CALCOCO2: variants seen among roughly 807,000 people sequenced by gnomAD.
CALCOCO2 encodes calcium-binding and coiled-coil domain-containing protein 2.
CALCOCO2 carries 42 observed loss-of-function variants against 62.5 expected under a neutral mutation model. The observed-to-expected ratio is 0.67, with a 90% CI of 0.53 to 0.87. The LOEUF (loss-of-function observed/expected upper bound fraction) is 0.87, where lower values mean the gene tolerates loss of function less well. Among genes scored for constraint, CALCOCO2 ranks in the 40% least tolerant of loss-of-function variants. CALCOCO2 has a pLI of 0.00. For synonymous variants in CALCOCO2, 167 were observed against 173.0 expected (o/e 0.97, Z 0.27); for missense variants, 456 against 515.0 (o/e 0.89, Z 1.11).
chr17:48,845,423 A>C (rs887936297), intron 2 of CALCOCO2, among the ~76,000 whole-genome samples: 1 of 113,170 alleles, frequency 8.8e-6, no homozygotes, highest in Non-Finnish European at 1.8e-5. Context: ...GTGTGTGTGT[A>C]TTGCCTAATT....
At chr17:48,833,432 G>A (rs1046459267) in intron 1 of CALCOCO2, among the ~76,000 whole-genome samples, 1 of 151,644 alleles carries the variant, frequency 6.6e-6, no homozygotes, top group African/African-American at 2.4e-5. Flanking sequence ...GCACATGCAT[G>A]TAGTCTTGGG....
rs7211475 is a variant in CALCOCO2 at position 48,841,616 on chromosome 17, G to A, written c.-10-82G>A. 6,327 of 966,440 alleles carry A rather than the reference G, an allele frequency of 6.5e-3. 253 individuals carry two copies. The African/African-American group carries it at 0.089, about 14-fold the overall frequency. 59.9% of individuals were successfully genotyped at this position (966,440 alleles called of 1,614,324 possible). ...TTTCCTGACTTGCTTTGCACAGAAT[G>A]TTCCCTGGATGAAAGCCCAGAAATC... On this transcript the variant is annotated intron_variant, in intron 1 of 12. Transcript: ENST00000258947.
At chr17:48,853,520 G>A (rs117797035) in intron 9 of CALCOCO2, among the ~76,000 whole-genome samples, 2,269 of 152,290 alleles carry the variant, frequency 0.015, 26 homozygotes, top group Non-Finnish European at 0.024. Context: ...TGGAAGCCCC[G>A]TTTACTTAGT....
At chr17:48,862,496 A>G (rs566923501) in intron 12 of CALCOCO2, among the ~76,000 whole-genome samples, 192 bp downstream of exon 12, 1 of 152,346 alleles carries the variant, frequency 6.6e-6, no homozygotes, top group East Asian at 1.9e-4. Flanking sequence ...TTCATCCATC[A>G]GCATTTTGCT....
At chr17:48,846,271 G>T (rs1261832960) in intron 2 of CALCOCO2, among the ~76,000 whole-genome samples, 7 of 152,102 alleles carry the variant, frequency 4.6e-5, no homozygotes. Context: ...GAGTAACTGG[G>T]ATTATAGGCA....
Position 48,862,931 on chromosome 17 carries a change from C to T in CALCOCO2, c.1267C>T (p.Pro423Ser), listed in dbSNP as rs1338442055. 1 of 1,613,614 alleles carries T rather than the reference C, an allele frequency of 6.2e-7. No homozygotes were observed. The highest frequency in any genetic ancestry group is 8.5e-7 in the Non-Finnish European group (1 of 1,179,530). The change falls in exon 13 of 13, where the codon CCA becomes TCA. Residue 423 changes from proline to serine, a missense_variant. Pro to Ser is a moderately conservative substitution (Grantham distance 74, BLOSUM62 -1). Transcript: ENST00000258947. The stretch of plus-strand genomic sequence containing the variant: ...GATGCAGCCCCTTTGTTTCAATTGT[C>T]CAATTTGTGACAAGATCTTCCCAGC... ...QQMQPLCFNC[P>S]ICDKIFPATE...
At chr17:48,833,419 G>T (rs779687363) in intron 1 of CALCOCO2, among the ~76,000 whole-genome samples, 1 of 151,910 alleles carries the variant, frequency 6.6e-6, no homozygotes, top group South Asian at 2.1e-4. Flanking sequence ...ACCGGACATG[G>T]TGGCACATGC....
chr17:48,859,660 C>A (rs1312328294), intron 10 of CALCOCO2, among the ~76,000 whole-genome samples: 1 of 152,054 alleles, frequency 6.6e-6, no homozygotes, highest in African/African-American at 2.4e-5. Flanking sequence ...CGTTAATATA[C>A]CTATCAGAAT....
Position 48,849,357 on chromosome 17 carries a change from G to A in CALCOCO2, c.523G>A (p.Ala175Thr), listed in dbSNP as rs201225812. Residue 175 changes from alanine to threonine, a missense_variant, in exon 5 of 13, where the codon GCT becomes ACT. Around this residue, in one of 3 missense-constraint regions of CALCOCO2, gnomAD observed 236 missense variants for 225.3 expected, o/e 1.05. Transcript: ENST00000258947. ...SLQKQNSDMQ[A>T]ELQKKQEELE... ...CCAGAAGCAGAACTCAGACATGCAG[G>A]CTGAGCTCCAAAAGAAGCAGGTATG... 2.5e-6 allele frequency: 4 copies of A among 1,613,402 alleles called. No homozygotes were observed. In the East Asian group the frequency reaches 6.7e-5, roughly 27 times the overall value.
rs2040375976 is a variant in CALCOCO2 at position 48,865,120 on chromosome 17, G to A, written c.*2115G>A. On this transcript the variant is annotated 3_prime_UTR_variant, in exon 13 of 13. Coordinates refer to ENST00000258947, the MANE Select transcript of CALCOCO2 (RefSeq NM_005831.5). ...GCTTGGTAAAAAAACCAGTTGAGGT[G>A]TTAATGACCCTTTTTGCTGGGTGTA... 1 of 152,210 alleles carries A rather than the reference G, an allele frequency of 6.6e-6. No homozygotes were observed. The highest frequency in any genetic ancestry group is 2.1e-4 in the South Asian group (1 of 4,834). The allele number at this position is 152,210 out of a possible 1,614,324, so 9.4% of individuals were successfully genotyped here.
intron 1 of CALCOCO2, among the ~76,000 whole-genome samples, chr17:48,832,579 G>A (rs757130273): frequency 3.9e-5 from 6 of 152,164 alleles, no homozygotes; most frequent in Non-Finnish European, 8.8e-5. Context: ...GCATTTTGCT[G>A]ATGAGGAAAC....
At chr17:48,862,808 T>C in intron 12 of CALCOCO2, 30 bp from the exon 13 acceptor site, 1 of 1,603,940 alleles carries the variant, frequency 6.2e-7, no homozygotes, top group Non-Finnish European at 8.5e-7. Flanking sequence ...TAGCTTACAT[T>C]TGTACTGACC....
Position 48,848,142 on chromosome 17 carries a change from A to G in CALCOCO2, c.259A>G (p.Lys87Glu). ...LPIDLNNKSAKQQEVQFKAYY... is the reference protein window; with the variant it reads ...LPIDLNNKSAEQQEVQFKAYY... ...CATTGACCTAAACAACAAATCAGCTAAACAGCAGGAAGTCCAATTCAAAGG... is the reference window on the plus strand; with the variant it reads ...CATTGACCTAAACAACAAATCAGCTGAACAGCAGGAAGTCCAATTCAAAGG... Residue 87 changes from lysine (K) to glutamate (E), a missense_variant, in exon 3 of 13, where the codon AAA becomes GAA. Physicochemically the swap from Lys to Glu is moderately conservative, Grantham distance 56. Transcript: ENST00000258947. The G allele has an allele frequency of 6.2e-7, 1 of 1,612,244 alleles. No homozygotes were observed. The highest frequency in any genetic ancestry group is 8.5e-7 in the Non-Finnish European group (1 of 1,178,272).
chr17:48,841,813 G>A lies in CALCOCO2; in HGVS notation c.106G>A (p.Gly36Arg). 1 of 1,613,624 alleles carries A rather than the reference G, an allele frequency of 6.2e-7. No individual in the cohort carries two copies. The change falls in exon 2 of 13, where the codon GGG becomes AGG. Residue 36 changes from glycine to arginine, a missense_variant. Physicochemically the swap from Gly to Arg is moderately radical, Grantham distance 125. This residue lies in a region of CALCOCO2 where 48 missense variants were observed against 79.3 expected (regional missense o/e 0.61). Coordinates refer to ENST00000258947, the MANE Select transcript of CALCOCO2 (RefSeq NM_005831.5). ...TGTGGAGAAGTTCTACATCCCTGGA[G>A]GGGACGTCACATGTCATTATACCTT... The part of the protein sequence containing the change: ...NSVEKFYIPG[G>R]DVTCHYTFTQ...
chr17:48,852,365 G>A (rs1233825610), intron 7 of CALCOCO2, 141 bp from the exon 8 acceptor site: 9 of 667,290 alleles, frequency 1.3e-5, no homozygotes, highest in Non-Finnish European at 2.1e-5. Context: ...GCTTTAAAGA[G>A]TGATTTGTCT....
intron 1 of CALCOCO2, among the ~76,000 whole-genome samples, chr17:48,837,100 A>G (rs1472259307): frequency 2.6e-5 from 4 of 152,176 alleles, no homozygotes. Flanking sequence ...AGTGTTCTTC[A>G]TGATCCGCAA....
At chr17:48,857,818 C>CA (rs202087748) in intron 10 of CALCOCO2, among the ~76,000 whole-genome samples, 23,125 of 142,278 alleles carry the variant, frequency 0.16, 2,678 homozygotes, top group East Asian at 0.68. Context: ...ACTAAAAATA[C>CA]AAAAAAAAAA....
intron 2 of CALCOCO2, chr17:48,842,127 A>C: frequency 4.0e-6 from 1 of 250,522 alleles, no homozygotes; most frequent in Non-Finnish European, 7.5e-6. Flanking sequence ...AAATTTTGTT[A>C]TGCTTTTTTT....
chr17:48,845,320 G>GGGGTGTGT (rs1555572491), intron 2 of CALCOCO2, among the ~76,000 whole-genome samples: 1 of 137,164 alleles, frequency 7.3e-6, no homozygotes, highest in Non-Finnish European at 1.6e-5. Flanking sequence ...CTATGTTGAG[G>GGGGTGTGT]GTGTGTGTGT....
Sources: allele counts gnomAD v4.1 joint callset (sites outside exome capture counted in the v4.1 genomes callset), GRCh38; gene constraint gnomAD v4.1.1; regional missense constraint gnomAD v4.1.1; transcripts MANE v1.5; gene names NCBI Gene and HGNC (gene_info 2026-07-23, HGNC 2026-07-21).